Variants in DAGLA observed in about 807,000 individuals in gnomAD.
DAGLA encodes diacylglycerol lipase alpha.
Under a neutral mutation model 102.6 loss-of-function variants are expected in DAGLA, and 22 were observed. The observed-to-expected ratio is 0.21, with a 90% CI of 0.15 to 0.31. The LOEUF is 0.31. Ranked by LOEUF, DAGLA falls within the 10% of genes least tolerant of loss-of-function variation. The pLI, the probability that DAGLA is intolerant of heterozygous loss-of-function variation, is 1.00. For missense variants in DAGLA, 927 were observed against 1,446.6 expected (o/e 0.64, Z 5.83); for synonymous variants, 578 against 628.9 (o/e 0.92, Z 1.21).
chr11:61,737,878 C>G, intron 15 of DAGLA, 123 bp downstream of exon 15: 1 of 880,290 alleles, frequency 1.1e-6, no homozygotes, highest in Non-Finnish European at 1.8e-6. Context: ...GGACCCCACG[C>G]CCCTCCCCAC....
intron 5 of DAGLA, among the ~76,000 whole-genome samples, chr11:61,724,204 G>A (rs1289933590): frequency 6.6e-6 from 1 of 152,156 alleles, no homozygotes; most frequent in Non-Finnish European, 1.5e-5. Flanking sequence ...GGGGGAAAGT[G>A]TGCCATGGCA....
At position 61,743,583 on chromosome 11, in the gene DAGLA, G is replaced by A. The variant is rs1448262454; in HGVS notation, c.2223G>A (p.Leu741=). Reference sequence around the variant, plus strand: ...TGGAGGGCTTCTCGGAGGGGCGGCTGCTGTCGCCAGTGGTTGCGGCGGCGG... The same window carrying A: ...TGGAGGGCTTCTCGGAGGGGCGGCTACTGTCGCCAGTGGTTGCGGCGGCGG... ...MSLEGFSEGR[L]LSPVVAAAAR... The change falls in exon 20 of 20, where the codon CTG becomes CTA. Residue 741 remains leucine, a synonymous_variant. Coordinates refer to ENST00000257215, the MANE Select transcript of DAGLA (RefSeq NM_006133.3). 3.2e-6 allele frequency: 5 copies of A among 1,561,640 alleles called. No homozygotes were observed. Among genetic ancestry groups the A allele is most frequent in the Non-Finnish European group, 3.4e-6 (4 of 1,159,852 alleles).
chr11:61,690,589 A>G (rs1325489332), intron 1 of DAGLA, among the ~76,000 whole-genome samples: 1 of 152,134 alleles, frequency 6.6e-6, no homozygotes, highest in African/African-American at 2.4e-5. Flanking sequence ...CATGGCACCC[A>G]TGGAGGAAGC....
At chr11:61,699,476 G>A (rs1259510299) in intron 1 of DAGLA, among the ~76,000 whole-genome samples, 1 of 152,170 alleles carries the variant, frequency 6.6e-6, no homozygotes, top group Non-Finnish European at 1.5e-5. Flanking sequence ...TTTCTCAGTG[G>A]TCCCACATGG....
chr11:61,707,830 G>A (rs2065162111), intron 1 of DAGLA, among the ~76,000 whole-genome samples: 1 of 151,960 alleles, frequency 6.6e-6, no homozygotes, highest in Non-Finnish European at 1.5e-5. Context: ...CAGGGACAGA[G>A]TCAGACAAGG....
At chr11:61,683,746 T>C (rs541905345) in intron 1 of DAGLA, among the ~76,000 whole-genome samples, 14 of 152,168 alleles carry the variant, frequency 9.2e-5, no homozygotes, top group Non-Finnish European at 1.8e-4. Flanking sequence ...GAGCTGAGCT[T>C]TCTTCCCAGT....
At position 61,680,466 on chromosome 11, in the gene DAGLA, C is replaced by A. The variant is rs1482417929; in HGVS notation, c.-83C>A. 6.6e-6 allele frequency: 1 copy of A among 151,770 alleles called. No homozygotes were observed. Among genetic ancestry groups the A allele is most frequent in the Non-Finnish European group, 1.5e-5 (1 of 67,736 alleles). The allele number at this position is 151,770 out of a possible 1,614,324, so 9.4% of individuals were successfully genotyped here. On this transcript the variant is annotated 5_prime_UTR_variant, in exon 1 of 20. Coordinates refer to ENST00000257215, the MANE Select transcript of DAGLA (RefSeq NM_006133.3). ...CTTGGGGAGCCCAGGATGGAGGTGG[C>A]GGTCGCGGCGGCGGGCCGAGCCCTG...
At chr11:61,724,456 T>A (rs1440495413) in intron 5 of DAGLA, among the ~76,000 whole-genome samples, 3 of 152,158 alleles carry the variant, frequency 2.0e-5, no homozygotes, top group African/African-American at 4.8e-5. Context: ...AGAGGGCAGG[T>A]CACCTGCCGT....
chr11:61,724,326 A>T (rs1383426244), intron 5 of DAGLA, among the ~76,000 whole-genome samples: 2 of 152,206 alleles, frequency 1.3e-5, no homozygotes, highest in Non-Finnish European at 2.9e-5. Flanking sequence ...GGGCTTCTAC[A>T]GTGCATTATG....
chr11:61,734,750 C>A lies in DAGLA; in HGVS notation c.975-99C>A. ...GGGCAATTTGGTAGAGGCAGTGGGG[C>A]TGAATGCCCAACTGGAACTGGTTCC... On this transcript the variant is annotated intron_variant, in intron 9 of 19. Coordinates refer to ENST00000257215, the MANE Select transcript of DAGLA (RefSeq NM_006133.3). The surrounding 1 kb of genome is among the most constrained non-coding windows in gnomAD (Gnocchi z 4.2). 8.0e-7 allele frequency: 1 copy of A among 1,245,270 alleles called. No individual in the cohort carries two copies. Among genetic ancestry groups the A allele is most frequent in the Non-Finnish European group, 1.1e-6 (1 of 878,508 alleles). 77.1% of individuals were successfully genotyped at this position (1,245,270 alleles called of 1,614,324 possible).
intron 1 of DAGLA, among the ~76,000 whole-genome samples, chr11:61,704,350 C>T (rs2065133604): frequency 1.3e-5 from 2 of 152,106 alleles, no homozygotes; most frequent in East Asian, 1.9e-4. Flanking sequence ...GAACTCCTGA[C>T]CTCAGGTGAT....
rs1171765713 is a variant in DAGLA at position 61,743,562 on chromosome 11, G to A, written c.2202G>A (p.Glu734=). 3.2e-6 allele frequency: 5 copies of A among 1,545,650 alleles called. No homozygotes were observed. The highest frequency in any genetic ancestry group is 1.4e-5 in the African/African-American group (1 of 73,080). Residue 734 remains glutamate, a synonymous_variant, in exon 20 of 20, where the codon GAG becomes GAA. Transcript: ENST00000257215. The stretch of plus-strand genomic sequence containing the variant: ...AGTCCCAGTCTGAGATGAGCCTGGA[G>A]GGCTTCTCGGAGGGGCGGCTGCTGT... ...RSKSQSEMSL[E]GFSEGRLLSP... is the part of the protein sequence containing the mutation.
chr11:61,700,981 G>A (rs1281477246), intron 1 of DAGLA, among the ~76,000 whole-genome samples: 1 of 152,218 alleles, frequency 6.6e-6, no homozygotes, highest in African/African-American at 2.4e-5. Context: ...CCACTGACAG[G>A]TGAGGAAATC....
At chr11:61,709,529 C>T (rs1053226282) in intron 1 of DAGLA, among the ~76,000 whole-genome samples, 32 of 152,196 alleles carry the variant, frequency 2.1e-4, no homozygotes, top group African/African-American at 7.2e-4. Flanking sequence ...CCCACTGAAG[C>T]CTGCCCACTA....
At chr11:61,736,158 G>A (rs905217240) in intron 12 of DAGLA, 112 bp from the exon 13 acceptor site, 89 of 874,416 alleles carry the variant, frequency 1.0e-4, no homozygotes, top group Admixed American at 5.4e-4. Flanking sequence ...GTTGTCACGA[G>A]GCCCAAAGGG....
chr11:61,718,159 G>T (rs533517395), intron 1 of DAGLA, among the ~76,000 whole-genome samples: 2 of 152,260 alleles, frequency 1.3e-5, no homozygotes, highest in Admixed American at 6.5e-5. Context: ...AGGCAGGCCT[G>T]GGGGCAGGCT....
chr11:61,683,962 AG>A (rs1380956228), intron 1 of DAGLA, among the ~76,000 whole-genome samples: 3 of 152,198 alleles, frequency 2.0e-5, no homozygotes, highest in African/African-American at 7.2e-5. Context: ...TTTCTCTAAA[AG>A]TTGCTTTCCT....
chr11:61,739,611 G>C lies in DAGLA; in HGVS notation c.1803G>C (p.Pro601=). The change falls in exon 17 of 20, where the codon CCG becomes CCC. Residue 601 remains proline (P), a synonymous_variant. Coordinates refer to ENST00000257215, the MANE Select transcript of DAGLA (RefSeq NM_006133.3). ...IALSASTPLY[P]PGRIIHVVHN... ...TCTCAGCCAGCACTCCACTCTACCCGCCCGGCCGCATCATCCACGTGGTCC... is the reference window on the plus strand; with the variant it reads ...TCTCAGCCAGCACTCCACTCTACCCCCCCGGCCGCATCATCCACGTGGTCC... The C allele has an allele frequency of 1.2e-6, 2 of 1,614,070 alleles. No individual in the cohort carries two copies. Among genetic ancestry groups the C allele is most frequent in the South Asian group, 2.2e-5 (2 of 91,078 alleles).
At chr11:61,724,742 G>A (rs2065310288) in intron 5 of DAGLA, among the ~76,000 whole-genome samples, 1 of 152,174 alleles carries the variant, frequency 6.6e-6, no homozygotes, top group South Asian at 2.1e-4. Flanking sequence ...TCCCAGCCCA[G>A]CTGGCCACCA....
Sources: allele counts gnomAD v4.1 joint callset (sites outside exome capture counted in the v4.1 genomes callset), GRCh38; gene constraint gnomAD v4.1.1; non-coding constraint Gnocchi (gnomAD v3.1); transcripts MANE v1.5; gene names NCBI Gene and HGNC (gene_info 2026-07-23, HGNC 2026-07-21).